The following CUL3 variants were observed in gnomAD, a reference collection of about 807,000 sequenced individuals.
CUL3 encodes cullin 3.
CUL3 carries 19 observed loss-of-function variants against 89.1 expected under a neutral mutation model. The observed-to-expected ratio is 0.21, with a 90% CI of 0.15 to 0.31. CUL3 has a LOEUF of 0.31. Among genes scored for constraint, CUL3 ranks in the 10% least tolerant of loss-of-function variants. The pLI is 1.00. For missense variants in CUL3, 469 were observed against 942.3 expected (o/e 0.50, Z 6.58); for synonymous variants, 351 against 308.4 (o/e 1.14, Z -1.45).
chr2:224,495,290 T>C (rs1484802062), intron 13 of CUL3: 1 of 152,282 alleles, frequency 6.6e-6, no homozygotes, highest in Non-Finnish European at 1.5e-5. Flanking sequence ...AGTTCGGCAG[T>C]TTCTTAAAAT....
chr2:224,573,363 AT>A (rs1695229569), intron 1 of CUL3, among the ~76,000 whole-genome samples: 1 of 152,244 alleles, frequency 6.6e-6, no homozygotes, highest in African/African-American at 2.4e-5. Flanking sequence ...ACTAGTAATA[AT>A]AAGCCTTTCT....
intron 1 of CUL3, among the ~76,000 whole-genome samples, chr2:224,566,320 A>G (rs1204518977): frequency 6.6e-6 from 1 of 152,208 alleles, no homozygotes; most frequent in African/African-American, 2.4e-5. Flanking sequence ...AAAGACTGGC[A>G]GCTAGTGTTT....
At chr2:224,574,048 A>G (rs1338299040) in intron 1 of CUL3, among the ~76,000 whole-genome samples, 4 of 152,194 alleles carry the variant, frequency 2.6e-5, no homozygotes. Context: ...CTCAGTTAAG[A>G]GCTGTTTTAG....
intron 3 of CUL3, among the ~76,000 whole-genome samples, chr2:224,530,013 C>T (rs572380960): frequency 6.6e-6 from 1 of 152,120 alleles, no homozygotes; most frequent in African/African-American, 2.4e-5. Flanking sequence ...CCAAGGCGGG[C>T]AGATCACGAG....
At chr2:224,491,832 C>T (rs1691993742) in intron 13 of CUL3, among the ~76,000 whole-genome samples, 1 of 152,144 alleles carries the variant, frequency 6.6e-6, no homozygotes, top group Non-Finnish European at 1.5e-5. Flanking sequence ...TGGTTTTCTC[C>T]TTAAAATGGT....
At chr2:224,565,240 T>C in intron 1 of CUL3, among the ~76,000 whole-genome samples, 1 of 152,108 alleles carries the variant, frequency 6.6e-6, no homozygotes, top group East Asian at 1.9e-4. Flanking sequence ...AGAGAAAAAA[T>C]ATTAAGAACA....
At position 224,517,448 on chromosome 2, in the gene CUL3, G is replaced by A. The variant is rs373202649; in HGVS notation, c.379-2676C>T. On this transcript the variant is annotated intron_variant, in intron 3 of 15. Transcript: ENST00000264414. ...AGCACTTTGGGAGGCCGAAGCAGTC[G>A]GATCACTTGAGGTCAGGAGTTTGAG... is the stretch of plus-strand genomic sequence containing the variant. 1.1e-4 allele frequency among the ~76,000 whole-genome samples: 17 copies of A among 152,220 alleles called. No homozygotes were observed. The South Asian group carries it at 3.1e-3, about 28-fold the overall frequency.
intron 2 of CUL3, among the ~76,000 whole-genome samples, chr2:224,538,755 G>T (rs1328837901): frequency 6.6e-6 from 1 of 152,218 alleles, no homozygotes; most frequent in Non-Finnish European, 1.5e-5. Flanking sequence ...AAGATGAAGT[G>T]CAAGTAATGG....
At chr2:224,562,051 A>G (rs1457984166) in intron 1 of CUL3, among the ~76,000 whole-genome samples, 1 of 152,248 alleles carries the variant, frequency 6.6e-6, no homozygotes, top group East Asian at 1.9e-4. Flanking sequence ...TGAAAGCCAG[A>G]AAAAGTATTA....
intron 13 of CUL3, chr2:224,494,884 A>T (rs1426044560): frequency 2.0e-5 from 3 of 152,208 alleles, no homozygotes; most frequent in African/African-American, 4.8e-5. Flanking sequence ...CAAAGTGATT[A>T]ACTGGACTTT....
chr2:224,476,792 T>C (rs1691338278), intron 15 of CUL3, among the ~76,000 whole-genome samples: 1 of 152,210 alleles, frequency 6.6e-6, no homozygotes. Context: ...CCATTCTTTA[T>C]TCATAGGATA....
At chr2:224,537,932 T>C (rs557127502) in intron 2 of CUL3, among the ~76,000 whole-genome samples, 1 of 152,178 alleles carries the variant, frequency 6.6e-6, no homozygotes, top group African/African-American at 2.4e-5. Flanking sequence ...AAATCACTGA[T>C]TTGTACATTT....
chr2:224,524,887 A>G (rs1022340013), intron 3 of CUL3, among the ~76,000 whole-genome samples: 2 of 152,192 alleles, frequency 1.3e-5, no homozygotes, highest in Non-Finnish European at 2.9e-5. Flanking sequence ...CCCTACCCAG[A>G]AAGTGGTAAG....
intron 13 of CUL3, among the ~76,000 whole-genome samples, chr2:224,492,433 T>C (rs1692021669): frequency 6.6e-6 from 1 of 152,220 alleles, no homozygotes; most frequent in African/African-American, 2.4e-5. Flanking sequence ...AATAGTGCTA[T>C]TGTCTGTAGT....
chr2:224,514,603 A>G lies in CUL3; in HGVS notation c.539+9T>C. On this transcript the variant is annotated intron_variant, in intron 4 of 15. Transcript: ENST00000264414. The stretch of plus-strand genomic sequence containing the variant: ...ACCAAAACCACAAGAGTAAAGAGAG[A>G]AATTTTACCTGTCTACGACTTCTCC... The G allele has an allele frequency of 6.2e-7, 1 of 1,600,578 alleles. No individual in the cohort carries two copies. Among genetic ancestry groups the G allele is most frequent in the South Asian group, 1.1e-5 (1 of 88,810 alleles).
At chr2:224,489,079 A>C (rs975552567) in intron 13 of CUL3, among the ~76,000 whole-genome samples, 6 of 152,192 alleles carry the variant, frequency 3.9e-5, no homozygotes, top group Non-Finnish European at 7.3e-5. Flanking sequence ...TGCTAAGAAC[A>C]CTGAATAAAC....
chr2:224,476,629 C>T (rs1178160292), intron 15 of CUL3, among the ~76,000 whole-genome samples: 2 of 152,120 alleles, frequency 1.3e-5, no homozygotes, highest in African/African-American at 4.8e-5. Flanking sequence ...TAGCACATAC[C>T]CCTGCACCCT....
At chr2:224,526,469 C>T (rs369936269) in intron 3 of CUL3, among the ~76,000 whole-genome samples, 48 of 151,374 alleles carry the variant, frequency 3.2e-4, no homozygotes, top group African/African-American at 9.7e-4. Flanking sequence ...GCCTGTAATC[C>T]CAGCTACTCG....
intron 3 of CUL3, among the ~76,000 whole-genome samples, chr2:224,533,817 T>C (rs1693781178): frequency 6.6e-6 from 1 of 152,206 alleles, no homozygotes; most frequent in African/African-American, 2.4e-5. Context: ...TTATACCTTT[T>C]ATCAAATCCC....
Sources: allele counts gnomAD v4.1 joint callset (sites outside exome capture counted in the v4.1 genomes callset), GRCh38; gene constraint gnomAD v4.1.1; transcripts MANE v1.5; gene names NCBI Gene and HGNC (gene_info 2026-07-23, HGNC 2026-07-21).